KIF1B: variants seen among roughly 807,000 people sequenced by gnomAD.
KIF1B encodes kinesin family member 1B.
A neutral mutation model predicts 241.9 loss-of-function variants in KIF1B; 76 were observed. The observed-to-expected ratio is 0.31, with a 90% confidence interval of 0.26 to 0.38. The LOEUF (loss-of-function observed/expected upper bound fraction) is 0.38, where lower values mean the gene tolerates loss of function less well. KIF1B is among the 10% of genes least tolerant of loss of function. The pLI, the probability that KIF1B is intolerant of heterozygous loss-of-function variation, is 1.00. For synonymous variants in KIF1B, 750 were observed against 796.7 expected, an observed-to-expected ratio of 0.94 and a Z score of 0.99; for missense variants, 1,622 against 2,271.4, an observed-to-expected ratio of 0.71 and a Z score of 5.81.
intron 6 of KIF1B, 83 bp from the exon 7 acceptor site, chr1:10,268,069 T>C: frequency 1.2e-6 from 1 of 854,808 alleles, no homozygotes; most frequent in Non-Finnish European, 2.0e-6. Context: ...GTGATTGTTA[T>C]GCTTATAATG....
At chr1:10,281,161 A>G (rs1649386696) in intron 14 of KIF1B, among the ~76,000 whole-genome samples, 1 of 152,162 alleles carries the variant, frequency 6.6e-6, no homozygotes, top group Admixed American at 6.5e-5. Context: ...AAGCCCAGGG[A>G]GAACTAATAG....
intron 47 of KIF1B, 60 bp from the exon 48 acceptor site, chr1:10,375,195 A>G: frequency 6.6e-7 from 1 of 1,504,750 alleles, no homozygotes; most frequent in Non-Finnish European, 9.3e-7. Context: ...GAATATGGCA[A>G]GGCAGTCCCC....
intron 22 of KIF1B, chr1:10,298,924 G>A (rs1455270662): frequency 6.6e-6 from 1 of 152,124 alleles, no homozygotes; most frequent in African/African-American, 2.4e-5. Context: ...GGGAAGCCTA[G>A]GCAGGTGGAT....
rs753304241 is a variant in KIF1B, at chr1:10,276,270, A to G, written c.959-51A>G. On this transcript the variant is annotated intron_variant, in intron 11 of 48. Coordinates refer to ENST00000676179, the MANE Select transcript of KIF1B (RefSeq NM_001365951.3). The stretch of plus-strand genomic sequence containing the variant: ...TATCAGATTTGACACATTCCATAAA[A>G]TTTTTCTTCTAAAATGAGTGTGATT... 2.1e-5 allele frequency: 26 copies of G among 1,233,472 alleles called. No homozygotes were observed. The East Asian group carries it at 2.8e-4, about 13-fold the overall frequency. The allele number at this position is 1,233,472 out of a possible 1,614,324, so 76.4% of individuals were successfully genotyped here.
intron 3 of KIF1B, among the ~76,000 whole-genome samples, chr1:10,256,610 G>A (rs1036069136): frequency 2.6e-5 from 4 of 151,682 alleles, no homozygotes; most frequent in African/African-American, 9.7e-5. Context: ...TACTGATTTA[G>A]ACATTTCTTG....
chr1:10,224,983 C>G lies in KIF1B; in HGVS notation c.-79-7267C>G, dbSNP rs560921296. 5.8e-4 allele frequency among the ~76,000 whole-genome samples: 88 copies of G among 152,250 alleles called. 1 individual carries two copies. Among genetic ancestry groups the G allele is most frequent in the Middle Eastern group, 6.8e-3 (2 of 294 alleles). Reference sequence around the variant, plus strand: ...TTAGATTCTCATAAGGAGTGTGCAACCTAGATCCCTTGCATGCACAGTTCA... The same window carrying G: ...TTAGATTCTCATAAGGAGTGTGCAAGCTAGATCCCTTGCATGCACAGTTCA... On this transcript the variant is annotated intron_variant, in intron 1 of 48. Transcript: ENST00000676179.
At chr1:10,278,235 C>G in intron 13 of KIF1B, 107 bp downstream of exon 13, 2 of 1,170,290 alleles carry the variant, frequency 1.7e-6, no homozygotes, top group Admixed American at 2.1e-5. Context: ...CATGATGAAG[C>G]TAAATGGTAG....
At chr1:10,289,071 C>A (rs1210038402) in intron 15 of KIF1B, among the ~76,000 whole-genome samples, 2 of 152,188 alleles carry the variant, frequency 1.3e-5, no homozygotes, top group East Asian at 3.8e-4. Flanking sequence ...CTACTAGCAT[C>A]ATTACTATAT....
intron 33 of KIF1B, 144 bp downstream of exon 33, chr1:10,342,312 C>G (rs1652426884): frequency 2.8e-6 from 2 of 702,864 alleles, no homozygotes; most frequent in African/African-American, 1.8e-5. Context: ...AGAAACTTCA[C>G]TATCATCTTA....
chr1:10,221,702 TATTC>T (rs1646847343), intron 1 of KIF1B, among the ~76,000 whole-genome samples: 2 of 152,226 alleles, frequency 1.3e-5, no homozygotes, highest in Admixed American at 1.3e-4. Flanking sequence ...TTTGGATACA[TATTC>T]ATTCTTTAAA....
chr1:10,248,367 T>C (rs1247788609), intron 2 of KIF1B, among the ~76,000 whole-genome samples: 2 of 151,962 alleles, frequency 1.3e-5, no homozygotes, highest in Non-Finnish European at 1.5e-5. Flanking sequence ...ACTTGGCTAA[T>C]TTTTTGTATT....
intron 15 of KIF1B, among the ~76,000 whole-genome samples, chr1:10,288,839 T>G (rs758272854): frequency 1.3e-5 from 2 of 152,206 alleles, no homozygotes; most frequent in Non-Finnish European, 2.9e-5. Context: ...TGCCTTGCCT[T>G]TGGTATGTTT....
At chr1:10,336,531 C>T (rs970463381) in intron 28 of KIF1B, 126 bp from the exon 29 acceptor site, 10 of 783,258 alleles carry the variant, frequency 1.3e-5, no homozygotes, top group East Asian at 4.9e-5. Context: ...CAGCCCATGC[C>T]GTGTTACTAC....
intron 5 of KIF1B, among the ~76,000 whole-genome samples, chr1:10,266,252 C>G (rs1363055676): frequency 6.6e-6 from 1 of 152,228 alleles, no homozygotes; most frequent in Non-Finnish European, 1.5e-5. Context: ...CTAGAACACT[C>G]AAGCCATTCG....
Position 10,365,699 on chromosome 1 carries a change from C to T in KIF1B, c.4752+51C>T, listed in dbSNP as rs775781466. 6.2e-7 allele frequency: 1 copy of T among 1,611,558 alleles called. No homozygotes were observed. The highest frequency in any genetic ancestry group is 1.1e-5 in the South Asian group (1 of 91,016). On this transcript the variant is annotated intron_variant, in intron 43 of 48. Coordinates refer to ENST00000676179, the MANE Select transcript of KIF1B (RefSeq NM_001365951.3). The surrounding 1 kb of genome is among the most constrained non-coding windows in gnomAD (Gnocchi z 4.0). Reference sequence around the variant, plus strand: ...ACGTCTTCCCACAAGGCTCCACAAACTAGCCTCTCGGTTTATTCATTTTCA... The same window carrying T: ...ACGTCTTCCCACAAGGCTCCACAAATTAGCCTCTCGGTTTATTCATTTTCA...
In KIF1B at chr1:10,365,727, A is replaced by G; in HGVS notation, c.4752+79A>G. On this transcript the variant is annotated intron_variant, in intron 43 of 48. Transcript: ENST00000676179. The surrounding 1 kb of genome is among the most constrained non-coding windows in gnomAD (Gnocchi z 4.0). Reference sequence around the variant, plus strand: ...GCCTCTCGGTTTATTCATTTTCAACACCTTTGTTCGAGGTGTTTGAAGGCC... The same window carrying G: ...GCCTCTCGGTTTATTCATTTTCAACGCCTTTGTTCGAGGTGTTTGAAGGCC... The G allele has an allele frequency of 6.3e-7, 1 of 1,588,728 alleles. No homozygotes were observed. The highest frequency in any genetic ancestry group is 8.6e-7 in the Non-Finnish European group (1 of 1,164,236).
chr1:10,358,102 C>CAAAAAAAA (rs541043240), intron 38 of KIF1B, among the ~76,000 whole-genome samples: 1 of 85,140 alleles, frequency 1.2e-5, no homozygotes, highest in Non-Finnish European at 2.7e-5. Flanking sequence ...AAGTCCAAAG[C>CAAAAAAAA]AAAAAAAAAA....
Position 10,210,931 on chromosome 1 carries a change from G to A in KIF1B, c.-80+53G>A, listed in dbSNP as rs1320808043. ...GCGCCGCGGTCGCGGGGTTGGGGAGGGGGCCGCTTCCGCGGGGAGGAGCGG... is the reference window on the plus strand; with the variant it reads ...GCGCCGCGGTCGCGGGGTTGGGGAGAGGGCCGCTTCCGCGGGGAGGAGCGG... On this transcript the variant is annotated intron_variant, in intron 1 of 48. Coordinates refer to ENST00000676179, the MANE Select transcript of KIF1B (RefSeq NM_001365951.3). This position sits in a 1 kb window ranked among gnomAD's most constrained non-coding sequence, Gnocchi z 4.1. The A allele has an allele frequency of 6.6e-6, 1 of 151,660 alleles. No homozygotes were observed. The highest frequency in any genetic ancestry group is 1.5e-5 in the Non-Finnish European group (1 of 67,890). 9.4% of individuals were successfully genotyped at this position (151,660 alleles called of 1,614,324 possible). A position where few individuals can be genotyped will look rare whatever the true frequency, so the allele number is the denominator to read the frequency against.
rs184328493 is a variant in KIF1B, at chr1:10,377,538, G to C, written c.*951G>C. On this transcript the variant is annotated 3_prime_UTR_variant, in exon 49 of 49. Transcript: ENST00000676179. Reference sequence around the variant, plus strand: ...CAGTTCTGCTTTTGGCATTAGTGATGGTGGTGGTACAGTTGGAATTAGTGC... The same window carrying C: ...CAGTTCTGCTTTTGGCATTAGTGATCGTGGTGGTACAGTTGGAATTAGTGC... 98 of 226,044 alleles carry C rather than the reference G, an allele frequency of 4.3e-4. 2 individuals carry two copies. Among genetic ancestry groups the C allele is most frequent in the African/African-American group, 2.1e-3 (95 of 45,006 alleles). The allele number at this position is 226,044 out of a possible 1,614,324, so 14.0% of individuals were successfully genotyped here.
Sources: gnomAD v4.1 joint callset for allele counts (sites outside exome capture counted in the v4.1 genomes callset) on GRCh38, gnomAD v4.1.1 for gene constraint, Gnocchi (gnomAD v3.1) non-coding constraint, MANE v1.5 for transcripts, NCBI Gene and HGNC (gene_info 2026-07-23, HGNC 2026-07-21) for gene names.